GALNTL6: variants seen among roughly 807,000 people sequenced by gnomAD.
The protein encoded by GALNTL6 is polypeptide N-acetylgalactosaminyltransferase like 6.
GALNTL6 carries 46 observed loss-of-function variants against 73.7 expected under a neutral mutation model. The observed-to-expected ratio is 0.62, with a 90% CI of 0.49 to 0.80. GALNTL6 has a LOEUF of 0.80. Among genes scored for constraint, GALNTL6 ranks in the 30% least tolerant of loss-of-function variants. The pLI is 0.00. For synonymous variants in GALNTL6, 259 were observed against 263.7 expected, an observed-to-expected ratio of 0.98 and a Z score of 0.17; for missense variants, 604 against 755.0, an observed-to-expected ratio of 0.80 and a Z score of 2.34.
chr4:172,859,674 T>C (rs565232232), intron 7 of GALNTL6, among the ~76,000 whole-genome samples: 21 of 152,292 alleles, frequency 1.4e-4, no homozygotes, highest in African/African-American at 5.1e-4. Flanking sequence ...AATGAAGGGC[T>C]TAGCAGGAAG....
chr4:172,126,065 G>A (rs1733285374), intron 2 of GALNTL6, among the ~76,000 whole-genome samples: 1 of 152,096 alleles, frequency 6.6e-6, no homozygotes, highest in Admixed American at 6.5e-5. Flanking sequence ...AACCTAGGAA[G>A]CAATAAATTT....
At chr4:172,584,077 A>T (rs751733160) in intron 5 of GALNTL6, among the ~76,000 whole-genome samples, 2 of 152,090 alleles carry the variant, frequency 1.3e-5, no homozygotes, top group African/African-American at 4.8e-5. Flanking sequence ...AAACAAGGCA[A>T]CAATGATATA....
chr4:172,804,142 A>C (rs1218793979), intron 5 of GALNTL6, among the ~76,000 whole-genome samples: 2 of 152,234 alleles, frequency 1.3e-5, no homozygotes, highest in Non-Finnish European at 2.9e-5. Flanking sequence ...AAGTAGATTA[A>C]AAAAATTTAA....
At chr4:172,601,649 A>T (rs1738054681) in intron 5 of GALNTL6, among the ~76,000 whole-genome samples, 1 of 152,148 alleles carries the variant, frequency 6.6e-6, no homozygotes, top group Non-Finnish European at 1.5e-5. Flanking sequence ...CTGCAGAATT[A>T]TGAATTTAAT....
chr4:172,778,900 C>A (rs935172894), intron 5 of GALNTL6, among the ~76,000 whole-genome samples: 2 of 152,080 alleles, frequency 1.3e-5, no homozygotes, highest in Admixed American at 6.6e-5. Context: ...TGCCTTAGCA[C>A]TTCTTGCTCA....
chr4:171,947,426 T>C (rs1738737099), intron 2 of GALNTL6, among the ~76,000 whole-genome samples: 1 of 151,668 alleles, frequency 6.6e-6, no homozygotes, highest in African/African-American at 2.4e-5. Flanking sequence ...TAGTAATATA[T>C]CTAGGTCAGA....
chr4:172,968,889 T>C (rs918743986), intron 10 of GALNTL6, among the ~76,000 whole-genome samples: 6 of 152,070 alleles, frequency 3.9e-5, no homozygotes, highest in African/African-American at 1.4e-4. Flanking sequence ...TGTTCATATA[T>C]GGAAAATAAA....
chr4:171,853,983 A>C (rs892358043), intron 2 of GALNTL6, among the ~76,000 whole-genome samples: 1 of 152,092 alleles, frequency 6.6e-6, no homozygotes, highest in African/African-American at 2.4e-5. Flanking sequence ...TACATGCAGC[A>C]CTGGAAATAA....
chr4:171,852,272 C>A (rs1264793189), intron 2 of GALNTL6, among the ~76,000 whole-genome samples: 2 of 152,022 alleles, frequency 1.3e-5, no homozygotes, highest in East Asian at 1.9e-4. Context: ...TATTTATGAA[C>A]AATTGGCTCT....
chr4:171,832,284 T>C (rs1734995310), intron 2 of GALNTL6, among the ~76,000 whole-genome samples: 1 of 149,210 alleles, frequency 6.7e-6, no homozygotes, highest in African/African-American at 2.4e-5. Flanking sequence ...GATCTATATA[T>C]GTTTTCAGTC....
intron 8 of GALNTL6, among the ~76,000 whole-genome samples, chr4:172,926,486 A>T (rs905533546): frequency 1.3e-5 from 2 of 152,260 alleles, no homozygotes; most frequent in South Asian, 4.1e-4. Flanking sequence ...ACAAGATAAC[A>T]TTAAGTGAAG....
At chr4:172,380,785 A>G (rs1743256298) in intron 5 of GALNTL6, among the ~76,000 whole-genome samples, 1 of 152,228 alleles carries the variant, frequency 6.6e-6, no homozygotes, top group Non-Finnish European at 1.5e-5. Flanking sequence ...TGTTTATTAC[A>G]ATAGACATTT....
intron 10 of GALNTL6, among the ~76,000 whole-genome samples, chr4:172,987,992 A>G (rs1436386501): frequency 1.3e-5 from 2 of 152,220 alleles, no homozygotes; most frequent in Non-Finnish European, 2.9e-5. Flanking sequence ...GAATGGACTA[A>G]TACAGAAAAT....
intron 5 of GALNTL6, among the ~76,000 whole-genome samples, chr4:172,626,095 G>A (rs1014530804): frequency 5.9e-5 from 9 of 151,938 alleles, no homozygotes; most frequent in African/African-American, 1.9e-4. Context: ...TATTTGCCAA[G>A]GTTGATGTCC....
At chr4:172,833,880 C>T (rs762195586) in intron 7 of GALNTL6, among the ~76,000 whole-genome samples, 6 of 152,044 alleles carry the variant, frequency 3.9e-5, no homozygotes, top group Non-Finnish European at 8.8e-5. Flanking sequence ...TTTGGGAGGC[C>T]GAGATGGGTG....
rs201259680 is a variant in GALNTL6, at chr4:172,397,090, G to GTA, written c.553+48411_553+48412dup. Among the ~76,000 whole-genome samples, 131 of 152,048 alleles carry GTA rather than the reference G, an allele frequency of 8.6e-4. 1 individual carries two copies. In the South Asian group the frequency reaches 0.016, roughly 19 times the overall value. ...TAATATCTGATGGGAGGCTACCTAG[G>GTA]TATATATATATGTGTTTGTTCATGT... On this transcript the variant is annotated intron_variant, in intron 5 of 12. Transcript: ENST00000506823.
chr4:172,962,486 TA>T (rs765093995), intron 10 of GALNTL6, among the ~76,000 whole-genome samples: 6 of 152,338 alleles, frequency 3.9e-5, no homozygotes, highest in Non-Finnish European at 7.3e-5. Flanking sequence ...CTATAAACTT[TA>T]AATTAATTGT....
chr4:173,024,598 T>C (rs935690029), intron 12 of GALNTL6, among the ~76,000 whole-genome samples: 6 of 152,208 alleles, frequency 3.9e-5, no homozygotes, highest in Non-Finnish European at 7.3e-5. Context: ...TGTTTGTTTT[T>C]TGAGACGGAG....
In GALNTL6 at chr4:172,280,357, G is replaced by T. The variant is rs188518312; in HGVS notation, c.248-31257G>T. On this transcript the variant is annotated intron_variant, in intron 3 of 12. Transcript: ENST00000506823. The stretch of plus-strand genomic sequence containing the variant: ...CCAGGAGGGAACATTCACAAGGTGG[G>T]CCTTATGTTGTTTCCAAATCACTGT... 4.5e-3 allele frequency among the ~76,000 whole-genome samples: 692 copies of T among 152,210 alleles called. 7 individuals carry two copies. The highest frequency in any genetic ancestry group is 0.016 in the African/African-American group (654 of 41,544).
Sources: allele counts gnomAD v4.1 joint callset (sites outside exome capture counted in the v4.1 genomes callset), GRCh38; gene constraint gnomAD v4.1.1; transcripts MANE v1.5; gene names NCBI Gene and HGNC (gene_info 2026-07-23, HGNC 2026-07-21).